CNTNAP2: variants seen among roughly 807,000 people sequenced by gnomAD.
CNTNAP2 encodes contactin associated protein 2, also known as contactin-associated protein-like 2.
A neutral mutation model predicts 155.2 loss-of-function variants in CNTNAP2; 98 were observed. That is an observed-to-expected ratio of 0.63 (90% CI 0.54 to 0.75). CNTNAP2 has a LOEUF of 0.75. Among genes scored for constraint, CNTNAP2 ranks in the 30% least tolerant of loss-of-function variants. The pLI is 0.00. For synonymous variants in CNTNAP2, 651 were observed against 631.2 expected (o/e 1.03, Z -0.47); for missense variants, 1,727 against 1,688.1 (o/e 1.02, Z -0.40).
intron 1 of CNTNAP2, among the ~76,000 whole-genome samples, chr7:146,167,701 C>A (rs1022772098): frequency 2.0e-5 from 3 of 152,082 alleles, no homozygotes; most frequent in African/African-American, 7.2e-5. Flanking sequence ...TTGGACACAG[C>A]AAATTTGAGT....
chr7:147,550,188 A>AT (rs1307767598), intron 11 of CNTNAP2, among the ~76,000 whole-genome samples: 21 of 152,100 alleles, frequency 1.4e-4, no homozygotes, highest in African/African-American at 4.8e-4. Context: ...TTTGTTAATT[A>AT]TTTTTCAGTG....
intron 3 of CNTNAP2, among the ~76,000 whole-genome samples, chr7:147,037,925 T>C (rs2129252755): frequency 6.6e-6 from 1 of 152,318 alleles, no homozygotes; most frequent in South Asian, 2.1e-4. Flanking sequence ...GGTTCACGCC[T>C]ATGGTATTCT....
At chr7:147,800,142 G>A (rs1797960456) in intron 13 of CNTNAP2, among the ~76,000 whole-genome samples, 1 of 152,176 alleles carries the variant, frequency 6.6e-6, no homozygotes, top group African/African-American at 2.4e-5. Flanking sequence ...TTTTGAGCCA[G>A]TAGTGCCAAA....
At chr7:146,840,076 C>A (rs2129200623) in intron 3 of CNTNAP2, among the ~76,000 whole-genome samples, 172 bp downstream of exon 3, 2 of 152,232 alleles carry the variant, frequency 1.3e-5, no homozygotes, top group Middle Eastern at 6.8e-3. Flanking sequence ...TAATTTCTAT[C>A]CAATGGTTAA....
intron 1 of CNTNAP2, among the ~76,000 whole-genome samples, chr7:146,380,887 C>T (rs1347179382): frequency 6.9e-6 from 1 of 145,102 alleles, no homozygotes; most frequent in Non-Finnish European, 1.5e-5. Flanking sequence ...AGGCTCCGCC[C>T]CCTGGGGTTC....
intron 1 of CNTNAP2, among the ~76,000 whole-genome samples, chr7:146,236,597 T>C (rs1799477357): frequency 6.6e-6 from 1 of 152,174 alleles, no homozygotes; most frequent in African/African-American, 2.4e-5. Flanking sequence ...AATGTATGTT[T>C]GACTTCTGAT....
intron 3 of CNTNAP2, among the ~76,000 whole-genome samples, chr7:147,011,418 CAAAAAAAA>C (rs759844476): frequency 7.5e-4 from 10 of 13,258 alleles, no homozygotes; most frequent in East Asian, 2.9e-3. Flanking sequence ...CACTCCATCT[CAAAAAAAA>C]AAAAAAAAAA....
At chr7:146,584,212 C>T (rs777004692) in intron 1 of CNTNAP2, among the ~76,000 whole-genome samples, 3 of 152,178 alleles carry the variant, frequency 2.0e-5, no homozygotes, top group Non-Finnish European at 2.9e-5. Flanking sequence ...AAACAAACAA[C>T]AAACATTGTT....
intron 1 of CNTNAP2, among the ~76,000 whole-genome samples, chr7:146,570,913 A>C (rs1448457070): frequency 6.6e-6 from 1 of 152,148 alleles, no homozygotes; most frequent in Non-Finnish European, 1.5e-5. Flanking sequence ...TACTGAAGTA[A>C]TATTTTAGCT....
intron 3 of CNTNAP2, among the ~76,000 whole-genome samples, chr7:146,866,666 A>G (rs1397469397): frequency 1.3e-5 from 2 of 152,110 alleles, no homozygotes; most frequent in South Asian, 2.1e-4. Flanking sequence ...ATGTTTCACT[A>G]TGTCAAATTT....
intron 1 of CNTNAP2, among the ~76,000 whole-genome samples, chr7:146,372,655 TA>T (rs1422335446): frequency 1.3e-5 from 2 of 152,206 alleles, no homozygotes; most frequent in Non-Finnish European, 2.9e-5. Flanking sequence ...CTATTGTTAA[TA>T]AACCTAGACG....
intron 1 of CNTNAP2, among the ~76,000 whole-genome samples, chr7:146,759,595 C>A (rs183113584): frequency 1.4e-5 from 2 of 147,458 alleles, no homozygotes; most frequent in African/African-American, 2.5e-5. Flanking sequence ...CTCAGGAGGC[C>A]GAGGCAGGAG....
intron 3 of CNTNAP2, among the ~76,000 whole-genome samples, chr7:146,863,428 C>T (rs1259635589): frequency 1.3e-5 from 2 of 151,986 alleles, no homozygotes; most frequent in African/African-American, 2.4e-5. Flanking sequence ...GTATGTCTTT[C>T]ATATGACTCT....
intron 12 of CNTNAP2, among the ~76,000 whole-genome samples, chr7:147,604,875 CT>C (rs1473528566): frequency 6.6e-6 from 1 of 152,214 alleles, no homozygotes; most frequent in Admixed American, 6.5e-5. Flanking sequence ...GAATTCAGAT[CT>C]GCTCACTGCA....
At chr7:146,619,243 AC>A (rs1214030576) in intron 1 of CNTNAP2, among the ~76,000 whole-genome samples, 1 of 152,108 alleles carries the variant, frequency 6.6e-6, no homozygotes, top group East Asian at 1.9e-4. Flanking sequence ...ATTCTTTACA[AC>A]ATTTGTTAAA....
intron 1 of CNTNAP2, among the ~76,000 whole-genome samples, chr7:146,439,961 T>A (rs1796297704): frequency 6.6e-6 from 1 of 151,364 alleles, no homozygotes; most frequent in Non-Finnish European, 1.5e-5. Flanking sequence ...CTGTCTCTAC[T>A]AAAAATACAA....
intron 14 of CNTNAP2, among the ~76,000 whole-genome samples, chr7:147,935,461 T>C (rs1434668090): frequency 2.0e-5 from 3 of 152,210 alleles, no homozygotes; most frequent in African/African-American, 4.8e-5. Context: ...GAAGCTGAGT[T>C]TAATATACTG....
chr7:146,947,681 T>G (rs10228387), intron 3 of CNTNAP2, among the ~76,000 whole-genome samples: 54,626 of 147,808 alleles, frequency 0.37, 10,596 homozygotes, highest in Middle Eastern at 0.43. Context: ...TGAGGCAGGA[T>G]GATTGCTTGA....
intron 1 of CNTNAP2, among the ~76,000 whole-genome samples, chr7:146,662,251 C>T (rs1265402818): frequency 6.6e-6 from 1 of 152,116 alleles, no homozygotes; most frequent in African/African-American, 2.4e-5. Flanking sequence ...GATTCTCTTG[C>T]CTTCGCCACC....
Sources: gnomAD v4.1 joint callset for allele counts (sites outside exome capture counted in the v4.1 genomes callset) on GRCh38, gnomAD v4.1.1 for gene constraint, MANE v1.5 for transcripts, NCBI Gene and HGNC (gene_info 2026-07-23, HGNC 2026-07-21) for gene names.